Variants in CFAP54 observed in about 807,000 individuals in gnomAD.
CFAP54 encodes cilia and flagella associated protein 54, also known as cilia- and flagella-associated protein 54.
Under a neutral mutation model 370.4 loss-of-function variants are expected in CFAP54, and 290 were observed. That is an observed-to-expected ratio of 0.78 (90% CI 0.71 to 0.86). CFAP54 has a LOEUF of 0.86. Ranked by LOEUF, CFAP54 falls within the 40% of genes least tolerant of loss-of-function variation. The pLI, the probability that CFAP54 is intolerant of heterozygous loss-of-function variation, is 0.00. For missense variants in CFAP54, 3,399 were observed against 3,528.7 expected, an observed-to-expected ratio of 0.96 and a Z score of 0.93; for synonymous variants, 1,206 against 1,236.5, an observed-to-expected ratio of 0.98 and a Z score of 0.52.
chr12:96,829,164 A>G, intron 66 of CFAP54, 76 bp downstream of exon 66: 1 of 823,142 alleles, frequency 1.2e-6, no homozygotes, highest in East Asian at 2.8e-5. Flanking sequence ...TATAGAAAAC[A>G]TCTAATTGTA....
intron 46 of CFAP54, among the ~76,000 whole-genome samples, chr12:96,704,122 A>G (rs754431761): frequency 6.6e-6 from 1 of 152,134 alleles, no homozygotes; most frequent in Non-Finnish European, 1.5e-5. Flanking sequence ...ATAGAAATCT[A>G]TTTTTAAAAA....
At chr12:96,603,650 G>C (rs192230020) in intron 26 of CFAP54, among the ~76,000 whole-genome samples, 4 of 152,108 alleles carry the variant, frequency 2.6e-5, no homozygotes, top group African/African-American at 9.7e-5. Flanking sequence ...GGCTTTGTTC[G>C]TTTCTTTTTA....
chr12:96,788,471 T>A (rs1369596919), intron 62 of CFAP54, among the ~76,000 whole-genome samples: 3 of 152,218 alleles, frequency 2.0e-5, no homozygotes, highest in African/African-American at 4.8e-5. Context: ...TACTTTGGAC[T>A]TTACCATTGA....
intron 55 of CFAP54, among the ~76,000 whole-genome samples, chr12:96,748,565 G>T (rs1261066753): frequency 6.6e-6 from 1 of 151,838 alleles, no homozygotes; most frequent in Non-Finnish European, 1.5e-5. Context: ...CATGTTCTCT[G>T]CAAATACCTT....
At chr12:96,582,472 C>T (rs1956041765) in intron 22 of CFAP54, among the ~76,000 whole-genome samples, 1 of 152,028 alleles carries the variant, frequency 6.6e-6, no homozygotes, top group Admixed American at 6.6e-5. Context: ...TTTTATATAG[C>T]ATATTTTTCA....
chr12:96,726,021 G>A (rs1411091189), intron 50 of CFAP54, among the ~76,000 whole-genome samples: 1 of 146,198 alleles, frequency 6.8e-6, no homozygotes, highest in African/African-American at 2.5e-5. Flanking sequence ...TCCCAGGGAT[G>A]AAGCCCACTT....
intron 15 of CFAP54, among the ~76,000 whole-genome samples, chr12:96,552,775 G>A (rs111640858): frequency 2.6e-5 from 4 of 152,304 alleles, no homozygotes; most frequent in Non-Finnish European, 4.4e-5. Context: ...AGTAAACTTG[G>A]CATCATTGCA....
intron 50 of CFAP54, among the ~76,000 whole-genome samples, chr12:96,736,683 A>G (rs1217980746): frequency 6.6e-6 from 1 of 152,264 alleles, no homozygotes; most frequent in Non-Finnish European, 1.5e-5. Flanking sequence ...AAGAAAAGAT[A>G]AAGAAACAAA....
At chr12:96,807,197 G>A (rs1301715498) in intron 63 of CFAP54, among the ~76,000 whole-genome samples, 1 of 152,154 alleles carries the variant, frequency 6.6e-6, no homozygotes, top group Admixed American at 6.5e-5. Context: ...TATAGATGAG[G>A]AAGTAAGGTC....
At chr12:96,835,928 G>C (rs560160603) in intron 66 of CFAP54, among the ~76,000 whole-genome samples, 1 of 152,154 alleles carries the variant, frequency 6.6e-6, no homozygotes, top group Non-Finnish European at 1.5e-5. Context: ...GAGAGCAGCA[G>C]TCATAAAGGA....
At chr12:96,743,940 A>G (rs1226918876) in intron 54 of CFAP54, 30 bp downstream of exon 54, 1 of 1,602,566 alleles carries the variant, frequency 6.2e-7, no homozygotes, top group Non-Finnish European at 8.5e-7. Context: ...TGCGAGACAT[A>G]GAAACTTACT....
In CFAP54 at chr12:96,572,454, G is replaced by A. The variant is rs529115071; in HGVS notation, c.2620-4131G>A. ...GAATGAGTGATTTTTTTTTTTTATG[G>A]TTTCAGAGGTTAGGTTGAACAGAGA... On this transcript the variant is annotated intron_variant, in intron 19 of 67. Transcript: ENST00000524981. Among the ~76,000 whole-genome samples, 4 of 151,650 alleles carry A rather than the reference G, an allele frequency of 2.6e-5. No homozygotes were observed. In the South Asian group the frequency reaches 8.3e-4, roughly 32 times the overall value.
rs12582405 is a variant in CFAP54 at position 96,792,464 on chromosome 12, C to A, written c.8815C>A (p.Pro2939Thr). 10,573 of 1,535,742 alleles carry A rather than the reference C, an allele frequency of 6.9e-3. 481 individuals carry two copies. The East Asian group carries it at 0.11, about 16-fold the overall frequency. The change falls in exon 63 of 68, where the codon CCC (proline) becomes ACC (threonine). Residue 2939 changes from proline to threonine, a missense_variant. Pro to Thr is a conservative substitution (Grantham distance 38). Around this residue, in one of 3 missense-constraint regions of CFAP54, gnomAD observed 2,796 missense variants for 2,869.7 expected, o/e 0.97. Coordinates refer to ENST00000524981, the MANE Select transcript of CFAP54 (RefSeq NM_001306084.2). Reference protein sequence around the residue: ...KELCFQWYIPPLDRPPKETEP... With the variant: ...KELCFQWYIPTLDRPPKETEP... ...ACTTTGCTTTCAATGGTACATTCCT[C>A]CCCTGGATAGACCTCCCAAGGAGAC...
chr12:96,491,956 C>T (rs1390174806), intron 1 of CFAP54, among the ~76,000 whole-genome samples: 3 of 152,084 alleles, frequency 2.0e-5, no homozygotes, highest in Non-Finnish European at 4.4e-5. Context: ...GATGGGGTTT[C>T]GCCATGTTGG....
At chr12:96,699,635 GA>G in intron 45 of CFAP54, among the ~76,000 whole-genome samples, 2 of 151,840 alleles carry the variant, frequency 1.3e-5, no homozygotes, top group East Asian at 1.9e-4. Flanking sequence ...TTAGTAATGG[GA>G]ACAAAAAAAA....
At chr12:96,856,505 A>T (rs1959707850) in intron 66 of CFAP54, among the ~76,000 whole-genome samples, 1 of 152,184 alleles carries the variant, frequency 6.6e-6, no homozygotes, top group South Asian at 2.1e-4. Flanking sequence ...ACAGATCTCT[A>T]GGGAGGGCAG....
intron 66 of CFAP54, among the ~76,000 whole-genome samples, chr12:96,844,167 C>G (rs1425998082): frequency 6.6e-6 from 1 of 152,154 alleles, no homozygotes; most frequent in Non-Finnish European, 1.5e-5. Context: ...CCCCCAGAAT[C>G]TGTTACCTTA....
chr12:96,848,074 G>A (rs1959409511), intron 66 of CFAP54, among the ~76,000 whole-genome samples: 2 of 151,890 alleles, frequency 1.3e-5, no homozygotes, highest in Non-Finnish European at 2.9e-5. Context: ...TGTTATTTTT[G>A]TTTTGTTTCG....
rs1954855275 is a variant in CFAP54 at position 96,489,721 on chromosome 12, T to A, written c.112T>A (p.Ser38Thr). The change falls in exon 1 of 68, where the codon TCG becomes ACG. Residue 38 changes from serine (S) to threonine (T), a missense_variant. This residue lies in a region of CFAP54 where 559 missense variants were observed against 576.7 expected (regional missense o/e 0.97). Coordinates refer to ENST00000524981, the MANE Select transcript of CFAP54 (RefSeq NM_001306084.2). ...CGCGACTTCGAGGTCGCCCCCAGAGTCGAAGGGGAGCTCCCGGAGCTCGCT... is the reference window on the plus strand; with the variant it reads ...CGCGACTTCGAGGTCGCCCCCAGAGACGAAGGGGAGCTCCCGGAGCTCGCT... ...STATSRSPPESKGSSRSSLLQ... is the reference protein window; with the variant it reads ...STATSRSPPETKGSSRSSLLQ... 1 of 1,535,420 alleles carries A rather than the reference T, an allele frequency of 6.5e-7. No individual in the cohort carries two copies. The highest frequency in any genetic ancestry group is 1.4e-5 in the African/African-American group (1 of 72,798).
Sources: allele counts gnomAD v4.1 joint callset (sites outside exome capture counted in the v4.1 genomes callset), GRCh38; gene constraint gnomAD v4.1.1; regional missense constraint gnomAD v4.1.1; transcripts MANE v1.5; gene names NCBI Gene and HGNC (gene_info 2026-07-23, HGNC 2026-07-21).